CARHSP1: variants seen among roughly 807,000 people sequenced by gnomAD.
CARHSP1 encodes the protein calcium-regulated heat-stable protein 1.
A neutral mutation model predicts 12.5 loss-of-function variants in CARHSP1; 14 were observed. The observed-to-expected ratio is 1.12, with a 90% CI of 0.74 to 1.75. The LOEUF is 1.75. Ranked by LOEUF, CARHSP1 falls within the 40% of genes most tolerant of loss-of-function variation. CARHSP1 has a pLI of 0.00. For synonymous variants in CARHSP1, 161 were observed against 82.0 expected, an observed-to-expected ratio of 1.96 and a Z score of -5.20; for missense variants, 343 against 201.6, an observed-to-expected ratio of 1.70 and a Z score of -4.25.
chr16:8,863,095 A>G (rs1285809793), intron 1 of CARHSP1, among the ~76,000 whole-genome samples: 1 of 143,422 alleles, frequency 7.0e-6, no homozygotes, highest in Non-Finnish European at 1.5e-5. Context: ...ACGGTCCAGG[A>G]ATGGCCACAA....
chr16:8,868,457 C>A (rs2061483435), intron 1 of CARHSP1: 1 of 151,314 alleles, frequency 6.6e-6, no homozygotes, highest in Non-Finnish European at 1.5e-5. Flanking sequence ...GGCTCCTCCT[C>A]CCCCAGATGC....
intron 3 of CARHSP1, chr16:8,857,768 T>C (rs1309816895): frequency 6.8e-6 from 1 of 147,298 alleles, no homozygotes; most frequent in Non-Finnish European, 1.5e-5. Context: ...TATTTTTTTT[T>C]TTTTTTTTTT....
chr16:8,853,439 C>T lies in CARHSP1; in HGVS notation c.*1725G>A, dbSNP rs755596154. On this transcript the variant is annotated 3_prime_UTR_variant, in exon 4 of 4. Coordinates refer to ENST00000311052, the MANE Select transcript of CARHSP1 (RefSeq NM_014316.4). Reference sequence around the variant, plus strand: ...CGAGGAAACAATGGCCAGGACCTAACTGTGGTGGGAACTGCCTTTGTCTCC... The same window carrying T: ...CGAGGAAACAATGGCCAGGACCTAATTGTGGTGGGAACTGCCTTTGTCTCC... 3.3e-5 allele frequency: 5 copies of T among 152,166 alleles called. No individual in the cohort carries two copies. The highest frequency in any genetic ancestry group is 5.9e-5 in the Non-Finnish European group (4 of 68,066). The allele number at this position is 152,166 out of a possible 1,614,324, so 9.4% of individuals were successfully genotyped here. A position where few individuals can be genotyped will look rare whatever the true frequency, so the allele number is the denominator to read the frequency against.
chr16:8,866,122 T>G (rs1183515922), intron 1 of CARHSP1, among the ~76,000 whole-genome samples: 1 of 152,108 alleles, frequency 6.6e-6, no homozygotes, highest in African/African-American at 2.4e-5. Flanking sequence ...CCCAGCTAAT[T>G]TTTTTATTTT....
At chr16:8,861,987 GACT>G (rs1194737075) in intron 1 of CARHSP1, among the ~76,000 whole-genome samples, 1 of 70,688 alleles carries the variant, frequency 1.4e-5, no homozygotes, top group East Asian at 5.7e-4. Context: ...AAGCATAGCT[GACT>G]TTTTTTTTTT....
At chr16:8,866,960 A>C (rs2061465570) in intron 1 of CARHSP1, among the ~76,000 whole-genome samples, 1 of 152,124 alleles carries the variant, frequency 6.6e-6, no homozygotes. Flanking sequence ...AGAGGCCGGA[A>C]ACCCGAGGAG....
At chr16:8,857,267 T>TTTGTTTTTTTTTTTG (rs1285555523) in intron 3 of CARHSP1, among the ~76,000 whole-genome samples, 1 of 17,238 alleles carries the variant, frequency 5.8e-5, no homozygotes, top group Non-Finnish European at 1.3e-4. Flanking sequence ...AGATCTGTTT[T>TTTGTTTTTTTTTTTG]TTTTTTTTTT....
In CARHSP1 at chr16:8,854,808, T is replaced by G; in HGVS notation, c.*356A>C. 1.2e-5 allele frequency: 2 copies of G among 173,328 alleles called. No homozygotes were observed. Among genetic ancestry groups the G allele is most frequent in the Non-Finnish European group, 1.2e-5 (1 of 82,074 alleles). The allele number at this position is 173,328 out of a possible 1,614,324, so 10.7% of individuals were successfully genotyped here. A position where few individuals can be genotyped will look rare whatever the true frequency, so the allele number is the denominator to read the frequency against. ...CCTCCAGCTCCAGGAGGAAGAGGGA[T>G]TCTGTGGGTTGAGCCCATGTGTCTG... On this transcript the variant is annotated 3_prime_UTR_variant, in exon 4 of 4. Coordinates refer to ENST00000311052, the MANE Select transcript of CARHSP1 (RefSeq NM_014316.4).
At position 8,853,140 on chromosome 16, in the gene CARHSP1, A is replaced by G. The variant is rs937715920; in HGVS notation, c.*2024T>C. 2 of 151,954 alleles carry G rather than the reference A, an allele frequency of 1.3e-5. No homozygotes were observed. Among genetic ancestry groups the G allele is most frequent in the African/African-American group, 4.8e-5 (2 of 41,354 alleles). The allele number at this position is 151,954 out of a possible 1,614,324, so 9.4% of individuals were successfully genotyped here. On this transcript the variant is annotated 3_prime_UTR_variant, in exon 4 of 4. Coordinates refer to ENST00000311052, the MANE Select transcript of CARHSP1 (RefSeq NM_014316.4). ...GACATCCTGCGGTTCTAGAATACCC[A>G]TTGATTGAAAGAGCTGTGGCCAAAC...
intron 3 of CARHSP1, among the ~76,000 whole-genome samples, chr16:8,856,868 C>G (rs975974329): frequency 6.6e-6 from 1 of 152,124 alleles, no homozygotes; most frequent in Admixed American, 6.5e-5. Flanking sequence ...GGGTGCCTTC[C>G]AGCCCAGCCC....
chr16:8,853,583 C>T lies in CARHSP1; in HGVS notation c.*1581G>A, dbSNP rs919451807. ...TACCTACCTGATGAAGCTGTTCATG[C>T]TTCCAGCATCAAACTGGACGTTTAC... On this transcript the variant is annotated 3_prime_UTR_variant, in exon 4 of 4. Coordinates refer to ENST00000311052, the MANE Select transcript of CARHSP1 (RefSeq NM_014316.4). 1 of 152,234 alleles carries T rather than the reference C, an allele frequency of 6.6e-6. No homozygotes were observed. Among genetic ancestry groups the T allele is most frequent in the Non-Finnish European group, 1.5e-5 (1 of 68,044 alleles). The allele number at this position is 152,234 out of a possible 1,614,324, so 9.4% of individuals were successfully genotyped here.
Position 8,858,342 on chromosome 16 carries a change from T to A in CARHSP1, c.281+8A>T, listed in dbSNP as rs201299929. ...CAGCCAGGCCACCCAGACCTGCCGC[T>A]GACTCACTCAGAGATGTGCAGGAAG... On this transcript the variant is annotated splice_region_variant and intron_variant, in intron 3 of 3. Transcript: ENST00000311052. 6.6e-5 allele frequency: 107 copies of A among 1,613,130 alleles called. No individual in the cohort carries two copies. The African/African-American group carries it at 1.2e-3, about 18-fold the overall frequency.
chr16:8,860,723 T>G (rs2061327833), intron 1 of CARHSP1, among the ~76,000 whole-genome samples: 1 of 151,906 alleles, frequency 6.6e-6, no homozygotes. Context: ...CCTGGATCGG[T>G]TTGACTCAGG....
At chr16:8,858,509 C>G (rs374284957) in intron 2 of CARHSP1, 37 bp from the exon 3 acceptor site, 6 of 1,605,390 alleles carry the variant, frequency 3.7e-6, no homozygotes, top group Non-Finnish European at 4.2e-6. Flanking sequence ...GCCCCATCAG[C>G]GCTCCTGGGC....
chr16:8,864,246 G>A (rs1269169079), intron 1 of CARHSP1, among the ~76,000 whole-genome samples: 1 of 152,150 alleles, frequency 6.6e-6, no homozygotes, highest in East Asian at 1.9e-4. Context: ...GCGCATACAC[G>A]TGTATGCATG....
chr16:8,868,345 C>G (rs958156394), intron 1 of CARHSP1: 5 of 152,202 alleles, frequency 3.3e-5, no homozygotes, highest in African/African-American at 1.2e-4. Flanking sequence ...CCAGCGCAGC[C>G]TGCGGAAAGG....
chr16:8,861,736 A>C, intron 1 of CARHSP1: 1 of 1,287,032 alleles, frequency 7.8e-7, no homozygotes, highest in Non-Finnish European at 1.0e-6. Flanking sequence ...CCCCACCTCA[A>C]AAAGGCCCCA....
At chr16:8,855,896 T>C (rs1440297134) in intron 3 of CARHSP1, among the ~76,000 whole-genome samples, 1 of 152,148 alleles carries the variant, frequency 6.6e-6, no homozygotes, top group East Asian at 1.9e-4. Flanking sequence ...GATCTCAGCT[T>C]ACTGCATCCA....
At position 8,855,116 on chromosome 16, in the gene CARHSP1, C is replaced by A; in HGVS notation, c.*48G>T. 6.2e-6 allele frequency: 9 copies of A among 1,453,264 alleles called. No individual in the cohort carries two copies. Among genetic ancestry groups the A allele is most frequent in the Non-Finnish European group, 8.3e-6 (9 of 1,087,530 alleles). 90.0% of individuals were successfully genotyped at this position (1,453,264 alleles called of 1,614,324 possible). On this transcript the variant is annotated 3_prime_UTR_variant, in exon 4 of 4. Transcript: ENST00000311052. ...ATCTCCAGTGTCTGCTGCCTCCTCC[C>A]TGCAAAGTCTCCCACAAGCACAGGA...
Sources: gnomAD v4.1 joint callset for allele counts (sites outside exome capture counted in the v4.1 genomes callset) on GRCh38, gnomAD v4.1.1 for gene constraint, MANE v1.5 for transcripts, NCBI Gene and HGNC (gene_info 2026-07-23, HGNC 2026-07-21) for gene names.